MAL: variants seen among roughly 807,000 people sequenced by gnomAD.
The protein encoded by MAL is myelin and lymphocyte protein.
MAL carries 5 observed loss-of-function variants against 16.7 expected under a neutral mutation model. That is an observed-to-expected ratio of 0.30 (90% confidence interval 0.16 to 0.63). The LOEUF (loss-of-function observed/expected upper bound fraction) is 0.63. MAL is among the 30% of genes least tolerant of loss of function. The probability of loss-of-function intolerance (pLI) is 0.82; values close to 1 mark genes in which losing one functional copy is unlikely to be tolerated. For synonymous variants in MAL, 96 were observed against 85.5 expected (o/e 1.12, Z -0.67); for missense variants, 202 against 195.8 (o/e 1.03, Z -0.19).
intron 1 of MAL, among the ~76,000 whole-genome samples, 190 bp downstream of exon 1, chr2:95,026,075 A>T (rs571471087): frequency 6.6e-6 from 1 of 152,138 alleles, no homozygotes; most frequent in Admixed American, 6.5e-5. Flanking sequence ...CTTCTAGACC[A>T]ACAGAATGAG....
intron 1 of MAL, among the ~76,000 whole-genome samples, chr2:95,047,643 C>T (rs1674620386): frequency 6.6e-6 from 1 of 152,174 alleles, no homozygotes; most frequent in Non-Finnish European, 1.5e-5. Context: ...ATCACTTGAA[C>T]CCAGGAGGCA....
intron 1 of MAL, among the ~76,000 whole-genome samples, chr2:95,036,630 C>T (rs1411031669): frequency 6.6e-6 from 1 of 152,208 alleles, no homozygotes; most frequent in African/African-American, 2.4e-5. Context: ...AATGAATGAC[C>T]AAGTGAGTGA....
chr2:95,026,809 C>G (rs1673953534), intron 1 of MAL: 1 of 152,224 alleles, frequency 6.6e-6, no homozygotes, highest in African/African-American at 2.4e-5. Flanking sequence ...CGGCACCCCA[C>G]CCTCAGAAGT....
chr2:95,028,152 C>CAAAAAAAA (rs898443996), intron 1 of MAL, among the ~76,000 whole-genome samples: 32 of 39,668 alleles, frequency 8.1e-4, no homozygotes, highest in Non-Finnish European at 9.4e-4. Flanking sequence ...ACTAAAAATA[C>CAAAAAAAA]AAAAAAAAAA....
At chr2:95,050,649 C>A (rs1318767687) in intron 3 of MAL, among the ~76,000 whole-genome samples, 1 of 152,166 alleles carries the variant, frequency 6.6e-6, no homozygotes, top group East Asian at 1.9e-4. Flanking sequence ...AGGGGAAAAT[C>A]CCTCAAAGCC....
At chr2:95,029,429 G>T (rs1204118086) in intron 1 of MAL, among the ~76,000 whole-genome samples, 1 of 152,180 alleles carries the variant, frequency 6.6e-6, no homozygotes, top group Non-Finnish European at 1.5e-5. Context: ...TGCTTTCCAG[G>T]CAACATTATG....
intron 1 of MAL, among the ~76,000 whole-genome samples, chr2:95,026,888 T>G (rs1673955369): frequency 6.6e-6 from 1 of 151,932 alleles, no homozygotes; most frequent in Non-Finnish European, 1.5e-5. Context: ...GACCCCAGGT[T>G]GTTATTGCCT....
intron 1 of MAL, among the ~76,000 whole-genome samples, chr2:95,029,574 C>A (rs1198905906): frequency 1.3e-5 from 2 of 152,170 alleles, no homozygotes. Context: ...TCTGTAGTTA[C>A]CTGTTGGAAA....
chr2:95,045,045 T>C (rs1674554873), intron 1 of MAL, among the ~76,000 whole-genome samples: 1 of 152,216 alleles, frequency 6.6e-6, no homozygotes, highest in Admixed American at 6.5e-5. Context: ...AGTTAATTTT[T>C]CCCAAAATAA....
intron 1 of MAL, among the ~76,000 whole-genome samples, chr2:95,037,055 G>A (rs1674234706): frequency 6.6e-6 from 1 of 151,546 alleles, no homozygotes; most frequent in African/African-American, 2.4e-5. Context: ...GTGAGTGACT[G>A]AGTGGGTGAG....
intron 1 of MAL, among the ~76,000 whole-genome samples, chr2:95,031,427 G>A (rs1446048563): frequency 1.3e-5 from 2 of 152,190 alleles, no homozygotes; most frequent in Non-Finnish European, 2.9e-5. Flanking sequence ...ACGAGGTCCA[G>A]GGCAGGTTGA....
intron 1 of MAL, among the ~76,000 whole-genome samples, chr2:95,047,488 A>C (rs935072200): frequency 6.6e-6 from 1 of 152,208 alleles, no homozygotes; most frequent in Non-Finnish European, 1.5e-5. Context: ...TGGGAGGCTG[A>C]GGAGGGCAGA....
intron 2 of MAL, 46 bp from the exon 3 acceptor site, chr2:95,049,535 C>A (rs1674666387): frequency 2.5e-6 from 4 of 1,608,738 alleles, no homozygotes; most frequent in Non-Finnish European, 3.4e-6. Flanking sequence ...GCATCTGGGC[C>A]CCGTCTCTCT....
At chr2:95,040,918 C>T (rs1558659899) in intron 1 of MAL, among the ~76,000 whole-genome samples, 2 of 152,150 alleles carry the variant, frequency 1.3e-5, no homozygotes, top group African/African-American at 4.8e-5. Context: ...GCACACACCA[C>T]GTGCTCGGTG....
At chr2:95,037,667 A>T (rs1674272444) in intron 1 of MAL, among the ~76,000 whole-genome samples, 2 of 150,760 alleles carry the variant, frequency 1.3e-5, no homozygotes, top group Admixed American at 1.3e-4. Context: ...TGAGTGACTG[A>T]CTGAGTGACT....
In MAL at chr2:95,048,064, A is replaced by G; in HGVS notation, c.199A>G (p.Thr67Ala). 6.2e-7 allele frequency: 1 copy of G among 1,613,676 alleles called. No homozygotes were observed. The highest frequency in any genetic ancestry group is 8.5e-7 in the Non-Finnish European group (1 of 1,179,826). ...GTCTGTGTTCTGCTTCGTGGCCACC[A>G]CCACCTTGATCATCCTGTACATAAT... ...FVSVFCFVATTTLIILYIIGA... is the reference protein window; with the variant it reads ...FVSVFCFVATATLIILYIIGA... The change falls in exon 2 of 4, where the codon ACC becomes GCC. Residue 67 changes from threonine (T) to alanine (A), a missense_variant. Coordinates refer to ENST00000309988, the MANE Select transcript of MAL (RefSeq NM_002371.4).
rs1674349014 is a variant in MAL at position 95,038,954 on chromosome 2, G to A, written c.94-9005G>A. Among the ~76,000 whole-genome samples the A allele has an allele frequency of 8.6e-5, 13 of 151,284 alleles. 1 individual carries two copies. In the South Asian group the frequency reaches 2.7e-3, roughly 32 times the overall value. On this transcript the variant is annotated intron_variant, in intron 1 of 3. Coordinates refer to ENST00000309988, the MANE Select transcript of MAL (RefSeq NM_002371.4). ...TGAGTGAGTGACCGAGTGACTGAGT[G>A]AGCAAGTGAGTGAGTGACTGAGTGA...
At chr2:95,032,358 A>G (rs1674104894) in intron 1 of MAL, among the ~76,000 whole-genome samples, 1 of 152,180 alleles carries the variant, frequency 6.6e-6, no homozygotes, top group East Asian at 1.9e-4. Flanking sequence ...TAGGGACTGG[A>G]CCACCTGGGA....
intron 1 of MAL, among the ~76,000 whole-genome samples, chr2:95,031,284 C>T (rs1674071049): frequency 6.6e-6 from 1 of 152,168 alleles, no homozygotes; most frequent in Non-Finnish European, 1.5e-5. Context: ...CAGCCCTGCC[C>T]ACCTGGCAGC....
Sources: allele counts gnomAD v4.1 joint callset (sites outside exome capture counted in the v4.1 genomes callset), GRCh38; gene constraint gnomAD v4.1.1; transcripts MANE v1.5; gene names NCBI Gene and HGNC (gene_info 2026-07-23, HGNC 2026-07-21).